The following PACRG variants were observed in gnomAD, a reference collection of about 807,000 sequenced individuals.
The protein encoded by PACRG is parkin coregulated gene protein.
Under a neutral mutation model 29.7 loss-of-function variants are expected in PACRG, and 29 were observed. The observed-to-expected ratio is 0.98, with a 90% CI of 0.73 to 1.33. The LOEUF is 1.33. PACRG is among the 40% of genes most tolerant of loss of function. The probability of loss-of-function intolerance (pLI) is 0.00; values close to 1 mark genes in which losing one functional copy is unlikely to be tolerated. For missense variants in PACRG, 279 were observed against 316.2 expected (o/e 0.88, Z 0.89); for synonymous variants, 116 against 118.7 (o/e 0.98, Z 0.15).
chr6:162,995,025 T>C (rs892348861), intron 2 of PACRG, among the ~76,000 whole-genome samples: 1 of 151,006 alleles, frequency 6.6e-6, no homozygotes, highest in African/African-American at 2.5e-5. Flanking sequence ...GTGCCCCTGC[T>C]GGGGGGTGCC....
intron 1 of PACRG, among the ~76,000 whole-genome samples, chr6:162,813,137 G>C (rs1448018002): frequency 6.6e-6 from 1 of 151,380 alleles, no homozygotes; most frequent in Non-Finnish European, 1.5e-5. Flanking sequence ...ATGTTATTTA[G>C]ATATGTTAAT....
At chr6:162,739,080 T>A (rs1780377945) in intron 1 of PACRG, among the ~76,000 whole-genome samples, 1 of 152,202 alleles carries the variant, frequency 6.6e-6, no homozygotes. Flanking sequence ...GTCAAATTTC[T>A]CTTCAAAGTA....
At chr6:163,015,341 G>A (rs1805993838) in intron 2 of PACRG, among the ~76,000 whole-genome samples, 1 of 152,038 alleles carries the variant, frequency 6.6e-6, no homozygotes, top group Admixed American at 6.6e-5. Flanking sequence ...CCTCATTTCT[G>A]GTTCTATATG....
rs538446122 is a variant in PACRG at position 163,078,736 on chromosome 6, A to G, written c.464-10523A>G. On this transcript the variant is annotated intron_variant, in intron 3 of 4. Transcript: ENST00000366888. ...TGCTCCCATGTGGAGGCTGAGCTGT[A>G]GTCAGGACTAGCACTACCGCAGTGC... 2.0e-5 allele frequency among the ~76,000 whole-genome samples: 3 copies of G among 152,272 alleles called. No individual in the cohort carries two copies. In the South Asian group the frequency reaches 6.2e-4, roughly 32 times the overall value.
rs67812561 is a variant in PACRG, at chr6:162,874,151, A to AAAAAAT, written c.291+59871_291+59872insAAAATA. Among the ~76,000 whole-genome samples the AAAAAAT allele has an allele frequency of 8.0e-3, 1,085 of 136,238 alleles. 15 individuals are homozygous for AAAAAAT. Among genetic ancestry groups the AAAAAAT allele is most frequent in the African/African-American group, 0.027 (997 of 36,466 alleles). 89.4% of individuals were successfully genotyped at this position (136,238 alleles called of 152,430 possible). ...AACATGAGGGAGTTAAAAAAAAAAA[A>AAAAAAT]ATATATATATATATATGTATATATA... On this transcript the variant is annotated intron_variant, in intron 2 of 4. Coordinates refer to ENST00000366888, the MANE Select transcript of PACRG (RefSeq NM_001080379.2).
At chr6:163,002,150 T>G (rs1437571319) in intron 2 of PACRG, among the ~76,000 whole-genome samples, 1 of 152,214 alleles carries the variant, frequency 6.6e-6, no homozygotes, top group Non-Finnish European at 1.5e-5. Context: ...TCTTAAGAAC[T>G]TCTCATTAAA....
chr6:163,248,905 A>G (rs1308488534), intron 4 of PACRG, among the ~76,000 whole-genome samples: 1 of 151,340 alleles, frequency 6.6e-6, no homozygotes, highest in African/African-American at 2.4e-5. Flanking sequence ...TTGGGACACT[A>G]CTCGGGAGGC....
At chr6:162,747,364 A>G (rs1222827548) in intron 1 of PACRG, among the ~76,000 whole-genome samples, 2 of 45,134 alleles carry the variant, frequency 4.4e-5, no homozygotes, top group African/African-American at 2.0e-4. Flanking sequence ...ATATATATAT[A>G]CACATACATA....
chr6:163,025,445 C>A (rs117233835), intron 2 of PACRG, among the ~76,000 whole-genome samples: 1 of 152,146 alleles, frequency 6.6e-6, no homozygotes, highest in Non-Finnish European at 1.5e-5. Context: ...GCCAGCAACA[C>A]GCAGGCTGAG....
chr6:162,785,934 G>A (rs1784435932), intron 1 of PACRG, among the ~76,000 whole-genome samples: 1 of 152,222 alleles, frequency 6.6e-6, no homozygotes, highest in Non-Finnish European at 1.5e-5. Context: ...AGTGCACAAG[G>A]CTGCCCCCTC....
chr6:162,727,344 T>A, upstream of PACRG: 2 of 293,802 alleles, frequency 6.8e-6, no homozygotes, highest in East Asian at 9.7e-5. Flanking sequence ...GGAGAAGGCT[T>A]CGGGACCCCA....
At chr6:162,826,533 G>A (rs1028673114) in intron 2 of PACRG, among the ~76,000 whole-genome samples, 1 of 148,456 alleles carries the variant, frequency 6.7e-6, no homozygotes, top group Non-Finnish European at 1.5e-5. Context: ...GTGCAATCTC[G>A]GCTCATCGCA....
In PACRG at chr6:163,269,770, C is replaced by CAGAAATAAAGAA. The variant is rs1562349078; in HGVS notation, c.614-45054_614-45053insAATAAAGAAAGA. 6.5e-4 allele frequency among the ~76,000 whole-genome samples: 28 copies of CAGAAATAAAGAA among 43,134 alleles called. 1 individual carries two copies. Among genetic ancestry groups the CAGAAATAAAGAA allele is most frequent in the African/African-American group, 1.9e-3 (25 of 13,150 alleles). The allele number at this position is 43,134 out of a possible 152,430, so 28.3% of individuals were successfully genotyped here. ...GAAGAAAGAGAGAGAGAGAGACAGA[C>CAGAAATAAAGAA]AGACAGACAGACAGAAAGAAAGAAA... On this transcript the variant is annotated intron_variant, in intron 4 of 4. Coordinates refer to ENST00000366888, the MANE Select transcript of PACRG (RefSeq NM_001080379.2).
intron 4 of PACRG, among the ~76,000 whole-genome samples, chr6:163,209,457 T>C (rs1200106444): frequency 6.6e-6 from 1 of 152,168 alleles, no homozygotes; most frequent in African/African-American, 2.4e-5. Context: ...GAAAACTACA[T>C]TGAGTGGTTG....
chr6:163,312,651 G>A, intron 4 of PACRG: 1 of 287,926 alleles, frequency 3.5e-6, no homozygotes, highest in Non-Finnish European at 6.9e-6. Context: ...CCATTTACAT[G>A]TTTGTTTTTA....
chr6:162,825,229 T>C (rs993351020), intron 2 of PACRG, among the ~76,000 whole-genome samples: 1 of 152,222 alleles, frequency 6.6e-6, no homozygotes, highest in Admixed American at 6.5e-5. Flanking sequence ...ATAAACACTT[T>C]GAAAAAAATT....
intron 2 of PACRG, among the ~76,000 whole-genome samples, chr6:162,842,406 C>G (rs1192345459): frequency 6.6e-6 from 1 of 151,056 alleles, no homozygotes; most frequent in Non-Finnish European, 1.5e-5. Context: ...TTATCAGAGA[C>G]TAGGATTGCA....
chr6:163,091,926 G>A (rs1046740035), intron 4 of PACRG, among the ~76,000 whole-genome samples: 17 of 152,194 alleles, frequency 1.1e-4, no homozygotes, highest in African/African-American at 4.1e-4. Context: ...GAAATTGACA[G>A]TATGTAGCAG....
intron 4 of PACRG, among the ~76,000 whole-genome samples, chr6:163,267,331 T>C (rs180871393): frequency 1.2e-4 from 19 of 152,324 alleles, no homozygotes; most frequent in South Asian, 4.1e-4. Flanking sequence ...CAAGAAACTA[T>C]TGAATGCCTA....
Sources: allele counts gnomAD v4.1 joint callset (sites outside exome capture counted in the v4.1 genomes callset), GRCh38; gene constraint gnomAD v4.1.1; transcripts MANE v1.5; gene names NCBI Gene and HGNC (gene_info 2026-07-23, HGNC 2026-07-21).